Variants in PTPRD observed in about 807,000 individuals in gnomAD.
PTPRD encodes the protein protein tyrosine phosphatase receptor type D, also known as receptor-type tyrosine-protein phosphatase delta.
A neutral mutation model predicts 214.5 loss-of-function variants in PTPRD; 34 were observed. That is an observed-to-expected ratio of 0.16 (90% CI 0.12 to 0.21). The LOEUF (loss-of-function observed/expected upper bound fraction) is 0.21. Among genes scored for constraint, PTPRD ranks in the 10% least tolerant of loss-of-function variants. PTPRD has a pLI of 1.00. For synonymous variants in PTPRD, 1,128 were observed against 845.7 expected, an observed-to-expected ratio of 1.33 and a Z score of -5.79; for missense variants, 2,545 against 2,398.7, an observed-to-expected ratio of 1.06 and a Z score of -1.27.
intron 14 of PTPRD, 102 bp from the exon 15 acceptor site, chr9:8,528,881 G>A (rs2074940939): frequency 8.7e-7 from 1 of 1,148,262 alleles, no homozygotes; most frequent in Non-Finnish European, 1.2e-6. Flanking sequence ...AGTGCTTGTT[G>A]AGAACCTAAC....
intron 3 of PTPRD, among the ~76,000 whole-genome samples, chr9:10,323,096 A>G (rs2096580411): frequency 6.6e-6 from 1 of 152,030 alleles, no homozygotes; most frequent in South Asian, 2.1e-4. Flanking sequence ...TAAAGAGGAA[A>G]AATGAACATT....
At chr9:10,591,297 A>T (rs556739241) in intron 2 of PTPRD, among the ~76,000 whole-genome samples, 1 of 152,158 alleles carries the variant, frequency 6.6e-6, no homozygotes, top group South Asian at 2.1e-4. Flanking sequence ...AGTGGCAGAC[A>T]AATTTAAAGA....
chr9:10,543,611 T>C lies in PTPRD; in HGVS notation c.-600+68787A>G, dbSNP rs375042553. 1.8e-4 allele frequency among the ~76,000 whole-genome samples: 28 copies of C among 152,292 alleles called. No homozygotes were observed. In the East Asian group the frequency reaches 2.5e-3, roughly 14 times the overall value. ...TCAGCATTATTGGAAAATAACATTA[T>C]GTTGTCTTAAGGCATCGTGCTTAAG... On this transcript the variant is annotated intron_variant, in intron 2 of 45. Transcript: ENST00000381196.
intron 5 of PTPRD, among the ~76,000 whole-genome samples, chr9:9,840,653 C>T (rs139589718): frequency 0.013 from 2,001 of 151,286 alleles, 30 homozygotes; most frequent in African/African-American, 0.045. Flanking sequence ...GTCCCAGCTA[C>T]TCAGGAGGCT....
intron 11 of PTPRD, among the ~76,000 whole-genome samples, chr9:8,821,019 T>C (rs1003268716): frequency 6.6e-6 from 1 of 152,202 alleles, no homozygotes; most frequent in Non-Finnish European, 1.5e-5. Flanking sequence ...TTTCAACTTA[T>C]AGCCACCTCC....
intron 23 of PTPRD, among the ~76,000 whole-genome samples, chr9:8,501,936 T>C (rs2097419073): frequency 6.6e-6 from 1 of 152,148 alleles, no homozygotes; most frequent in South Asian, 2.1e-4. Flanking sequence ...TTACAAAATG[T>C]CAATAACACA....
intron 2 of PTPRD, among the ~76,000 whole-genome samples, chr9:10,584,518 A>G (rs2073246112): frequency 6.6e-6 from 1 of 152,132 alleles, no homozygotes. Context: ...GTTTCAGCTG[A>G]CATTTCTGAT....
intron 4 of PTPRD, among the ~76,000 whole-genome samples, chr9:9,968,919 A>G (rs771293977): frequency 7.2e-5 from 11 of 152,208 alleles, no homozygotes; most frequent in Non-Finnish European, 1.6e-4. Flanking sequence ...TTGAGCAACT[A>G]CTACTGACCA....
chr9:9,455,708 T>A (rs2092893987), intron 8 of PTPRD, among the ~76,000 whole-genome samples: 1 of 151,578 alleles, frequency 6.6e-6, no homozygotes, highest in Admixed American at 6.6e-5. Context: ...GATTGTTCAA[T>A]ATAAAGGGGC....
chr9:8,998,231 G>A (rs1363923595), intron 11 of PTPRD, among the ~76,000 whole-genome samples: 1 of 152,086 alleles, frequency 6.6e-6, no homozygotes, highest in African/African-American at 2.4e-5. Flanking sequence ...GGCTTTCAAA[G>A]CTAGAGAGAA....
chr9:8,620,980 G>A lies in PTPRD; in HGVS notation c.352+12337C>T, dbSNP rs945240792. ...AGATATTATTAAGTCTAAAGCTTAC[G>A]AAACTTTAAAGGACTACTTTATGAA... On this transcript the variant is annotated intron_variant, in intron 14 of 45. Transcript: ENST00000381196. 2.6e-4 allele frequency among the ~76,000 whole-genome samples: 39 copies of A among 151,970 alleles called. 1 individual carries two copies. The highest frequency in any genetic ancestry group is 8.9e-4 in the African/African-American group (37 of 41,416).
At chr9:9,436,987 C>T (rs767854919) in intron 8 of PTPRD, among the ~76,000 whole-genome samples, 1 of 152,012 alleles carries the variant, frequency 6.6e-6, no homozygotes, top group Non-Finnish European at 1.5e-5. Flanking sequence ...CTTTCTTCAC[C>T]CTTCTATCCG....
intron 7 of PTPRD, among the ~76,000 whole-genome samples, chr9:9,703,275 G>C (rs769602659): frequency 2.2e-4 from 34 of 152,132 alleles, no homozygotes; most frequent in Non-Finnish European, 3.7e-4. Context: ...ATGCTGAACT[G>C]TGAGTCAATT....
chr9:8,839,200 TC>T (rs1426799369), intron 11 of PTPRD, among the ~76,000 whole-genome samples: 3 of 152,160 alleles, frequency 2.0e-5, no homozygotes, highest in African/African-American at 7.2e-5. Context: ...AATTATCACT[TC>T]AGTAATTAAA....
chr9:8,986,392 G>C (rs1309033566), intron 11 of PTPRD, among the ~76,000 whole-genome samples: 1 of 151,840 alleles, frequency 6.6e-6, no homozygotes, highest in South Asian at 2.1e-4. Flanking sequence ...TACAAATCAA[G>C]AGTTAACAGT....
intron 5 of PTPRD, among the ~76,000 whole-genome samples, chr9:9,806,053 TA>T (rs1293800892): frequency 6.6e-6 from 1 of 152,136 alleles, no homozygotes; most frequent in African/African-American, 2.4e-5. Context: ...AAAGGATTAC[TA>T]AAGAAAATAG....
chr9:9,684,107 C>T (rs556409617), intron 7 of PTPRD, among the ~76,000 whole-genome samples: 1 of 151,644 alleles, frequency 6.6e-6, no homozygotes, highest in East Asian at 1.9e-4. Context: ...TGGCCACTTA[C>T]ACCTTGTTCA....
intron 11 of PTPRD, among the ~76,000 whole-genome samples, chr9:8,946,218 T>A (rs1383549188): frequency 6.6e-6 from 1 of 152,138 alleles, no homozygotes. Context: ...CAATTACTTG[T>A]TTTTTTGTTC....
At chr9:10,193,518 G>C (rs758182669) in intron 3 of PTPRD, among the ~76,000 whole-genome samples, 1 of 152,136 alleles carries the variant, frequency 6.6e-6, no homozygotes, top group Non-Finnish European at 1.5e-5. Context: ...GCGGGGGTGG[G>C]AGGGAACCAA....
Sources: allele counts gnomAD v4.1 joint callset (sites outside exome capture counted in the v4.1 genomes callset), GRCh38; gene constraint gnomAD v4.1.1; transcripts MANE v1.5; gene names NCBI Gene and HGNC (gene_info 2026-07-23, HGNC 2026-07-21).